SAMD5: variants seen among roughly 807,000 people sequenced by gnomAD.
SAMD5 encodes the protein sterile alpha motif domain-containing protein 5.
SAMD5 carries 13 observed loss-of-function variants against 11.3 expected under a neutral mutation model. That is an observed-to-expected ratio of 1.15 (90% confidence interval 0.75 to 1.83). SAMD5 has a LOEUF of 1.83. SAMD5 is among the 40% of genes most tolerant of loss of function. The probability of loss-of-function intolerance (pLI) is 0.00; values close to 1 mark genes in which losing one functional copy is unlikely to be tolerated. For missense variants in SAMD5, 255 were observed against 239.1 expected, an observed-to-expected ratio of 1.07 and a Z score of -0.44; for synonymous variants, 129 against 111.3, an observed-to-expected ratio of 1.16 and a Z score of -1.00.
the SAMD5 span, among the ~76,000 whole-genome samples, chr6:147,795,723 ACCTGTTGTTT>A: frequency 1.3e-5 from 2 of 148,582 alleles, no homozygotes; most frequent in Non-Finnish European, 3.0e-5. Flanking sequence ...CCTCTCCAGC[ACCTGTTGTTT>A]CCTGACTTTT....
chr6:147,806,803 A>G, the SAMD5 span, among the ~76,000 whole-genome samples: 2 of 152,156 alleles, frequency 1.3e-5, no homozygotes, highest in Non-Finnish European at 2.9e-5. Flanking sequence ...CAAATCCAAT[A>G]GGATCATATT....
chr6:147,592,340 A>G (rs2128447325), intron 1 of SAMD5, among the ~76,000 whole-genome samples: 1 of 152,214 alleles, frequency 6.6e-6, no homozygotes, highest in Non-Finnish European at 1.5e-5. Context: ...AGAAATGAAG[A>G]GGCAGCTAGA....
the SAMD5 span, among the ~76,000 whole-genome samples, chr6:147,822,824 G>T: frequency 0.11 from 16,120 of 152,024 alleles, 1,533 homozygotes; most frequent in African/African-American, 0.26. Flanking sequence ...TTTTATTTAT[G>T]TATTTTTTGA....
intron 1 of SAMD5, among the ~76,000 whole-genome samples, chr6:147,597,778 TG>T (rs1176214108): frequency 6.6e-6 from 1 of 152,366 alleles, no homozygotes; most frequent in African/African-American, 2.4e-5. Flanking sequence ...CCAGGTTCCC[TG>T]AACAGTCCTT....
chr6:147,627,197 C>CT (rs1354752718), intron 1 of SAMD5, among the ~76,000 whole-genome samples: 1 of 152,032 alleles, frequency 6.6e-6, no homozygotes, highest in Admixed American at 6.6e-5. Flanking sequence ...AGAGGAAGCA[C>CT]TTTTTTTTCT....
chr6:147,727,199 C>T (rs1791641268), intron 1 of SAMD5, among the ~76,000 whole-genome samples: 1 of 152,164 alleles, frequency 6.6e-6, no homozygotes, highest in African/African-American at 2.4e-5. Context: ...ATTTCCATTT[C>T]CTGAACAGAT....
At chr6:147,948,546 T>A in the SAMD5 span, among the ~76,000 whole-genome samples, 7 of 152,184 alleles carry the variant, frequency 4.6e-5, no homozygotes, top group Non-Finnish European at 1.0e-4. Flanking sequence ...GCATTGAATT[T>A]GGTTTAGCTA....
the SAMD5 span, among the ~76,000 whole-genome samples, chr6:147,859,326 C>T: frequency 6.6e-6 from 1 of 152,132 alleles, no homozygotes; most frequent in Admixed American, 6.5e-5. Flanking sequence ...TCTGGCCATG[C>T]CTACCATAGG....
At chr6:147,876,619 G>T in the SAMD5 span, among the ~76,000 whole-genome samples, 1 of 152,196 alleles carries the variant, frequency 6.6e-6, no homozygotes, top group Non-Finnish European at 1.5e-5. Flanking sequence ...TCTATTATCT[G>T]CAGTACACTT....
chr6:147,797,978 C>T, the SAMD5 span, among the ~76,000 whole-genome samples: 18 of 151,396 alleles, frequency 1.2e-4, no homozygotes, highest in Non-Finnish European at 2.2e-4. Context: ...ATTAGTCTTG[C>T]TAGCAGTCTA....
intron 1 of SAMD5, among the ~76,000 whole-genome samples, chr6:147,585,188 G>A (rs1789356817): frequency 6.6e-6 from 1 of 152,134 alleles, no homozygotes; most frequent in Non-Finnish European, 1.5e-5. Context: ...GAATATCATG[G>A]CGCTTAGATG....
chr6:147,720,632 C>A (rs1319650161), intron 1 of SAMD5, among the ~76,000 whole-genome samples: 2 of 150,746 alleles, frequency 1.3e-5, no homozygotes, highest in Non-Finnish European at 3.0e-5. Flanking sequence ...TTCTCAGTGG[C>A]AGCCTATAAA....
the SAMD5 span, among the ~76,000 whole-genome samples, chr6:147,817,596 T>C: frequency 1.1e-4 from 16 of 152,266 alleles, no homozygotes; most frequent in Non-Finnish European, 2.2e-4. Flanking sequence ...CTTCGCTTTA[T>C]TAAACCACAG....
At chr6:147,792,737 A>C in the SAMD5 span, among the ~76,000 whole-genome samples, 1 of 152,174 alleles carries the variant, frequency 6.6e-6, no homozygotes, top group African/African-American at 2.4e-5. Flanking sequence ...GTAAGGAAGT[A>C]CTCAAGAAAC....
chr6:147,764,171 TG>T, the SAMD5 span, among the ~76,000 whole-genome samples: 18 of 152,206 alleles, frequency 1.2e-4, no homozygotes, highest in Non-Finnish European at 2.5e-4. Context: ...CTAGTATTTA[TG>T]GGTGAAGCCA....
At chr6:147,732,752 A>G (rs980647042) in intron 1 of SAMD5, among the ~76,000 whole-genome samples, 6 of 152,354 alleles carry the variant, frequency 3.9e-5, no homozygotes, top group East Asian at 3.9e-4. Context: ...ACACCCCAGC[A>G]TCTTTCTCTT....
At chr6:147,901,208 G>T in the SAMD5 span, among the ~76,000 whole-genome samples, 2 of 152,154 alleles carry the variant, frequency 1.3e-5, no homozygotes, top group Admixed American at 6.5e-5. Context: ...AAAGAATTGG[G>T]AATAATGCCT....
At chr6:147,916,201 C>T in the SAMD5 span, among the ~76,000 whole-genome samples, 5 of 151,874 alleles carry the variant, frequency 3.3e-5, no homozygotes, top group African/African-American at 9.7e-5. Flanking sequence ...TGAATAGTGC[C>T]GCAATAAACA....
At chr6:147,758,971 A>G in the SAMD5 span, among the ~76,000 whole-genome samples, 1 of 152,216 alleles carries the variant, frequency 6.6e-6, no homozygotes, top group Admixed American at 6.5e-5. Context: ...CTGAGTCACA[A>G]AAACCAAAAA....
Sources: gnomAD v4.1 joint callset for allele counts (sites outside exome capture counted in the v4.1 genomes callset) on GRCh38, gnomAD v4.1.1 for gene constraint, MANE v1.5 for transcripts, NCBI Gene and HGNC (gene_info 2026-07-23, HGNC 2026-07-21) for gene names.